The following MAP3K2 variants were observed in gnomAD, a reference collection of about 807,000 sequenced individuals.
MAP3K2 encodes mitogen-activated protein kinase kinase kinase 2.
In MAP3K2, 24 loss-of-function variants were observed where a neutral mutation model predicts 80.3. The ratio of observed to expected loss-of-function variants is 0.30; its 90% CI spans 0.22 to 0.42. MAP3K2 has a LOEUF of 0.42. Ranked by LOEUF, MAP3K2 falls within the 10% of genes least tolerant of loss-of-function variation. MAP3K2 has a pLI of 1.00. For missense variants in MAP3K2, 608 were observed against 750.1 expected (o/e 0.81, Z 2.21); for synonymous variants, 244 against 253.7 (o/e 0.96, Z 0.36).
In MAP3K2 at chr2:127,375,218, C is replaced by G. The variant is rs542801376; in HGVS notation, c.-66+12234G>C. 1.3e-5 allele frequency among the ~76,000 whole-genome samples: 2 copies of G among 151,974 alleles called. 1 individual carries two copies. Among genetic ancestry groups the G allele is most frequent in the Admixed American group, 1.3e-4 (2 of 15,272 alleles). ...TACCATGGTGTGGCTAGGACCCAAC[C>G]CAGTACCAGAAATAAAGAAAATAAC... is the stretch of plus-strand genomic sequence containing the variant. On this transcript the variant is annotated intron_variant, in intron 1 of 16. Coordinates refer to ENST00000682094, the MANE Select transcript of MAP3K2 (RefSeq NM_001371910.2).
chr2:127,337,842 T>C, intron 3 of MAP3K2, 64 bp from the exon 4 acceptor site: 1 of 913,804 alleles, frequency 1.1e-6, no homozygotes, highest in East Asian at 2.9e-5. Context: ...TTAGATAAAA[T>C]TTCTACAATT....
chr2:127,337,639 T>C, intron 4 of MAP3K2, 99 bp downstream of exon 4: 1 of 717,270 alleles, frequency 1.4e-6, no homozygotes, highest in Non-Finnish European at 2.3e-6. Flanking sequence ...TTGTAAACCA[T>C]GAAACTTCAT....
In MAP3K2 at chr2:127,361,038, G is replaced by A. The variant is rs533080769; in HGVS notation, c.-65-17844C>T. On this transcript the variant is annotated intron_variant, in intron 1 of 16. Transcript: ENST00000682094. The stretch of plus-strand genomic sequence containing the variant: ...CATATAAAATTCAAATTTAGGCAGG[G>A]CGCGGTGGCTCAAGCCCGTAATCCC... Among the ~76,000 whole-genome samples, 625 of 152,128 alleles carry A rather than the reference G, an allele frequency of 4.1e-3. 5 individuals are homozygous for A. The highest frequency in any genetic ancestry group is 0.014 in the African/African-American group (583 of 41,484).
At chr2:127,332,316 C>A (rs1285520739) in intron 5 of MAP3K2, among the ~76,000 whole-genome samples, 2 of 152,216 alleles carry the variant, frequency 1.3e-5, no homozygotes, top group African/African-American at 4.8e-5. Context: ...AATCTGAATA[C>A]TTACTTTTAT....
chr2:127,326,887 T>C (rs1686151674), intron 7 of MAP3K2, 70 bp from the exon 8 acceptor site: 8 of 915,942 alleles, frequency 8.7e-6, no homozygotes, highest in East Asian at 2.8e-5. Flanking sequence ...AAATAGGCTA[T>C]ATTTCTGAAT....
intron 1 of MAP3K2, among the ~76,000 whole-genome samples, chr2:127,365,165 A>ATAATGGCT (rs1046864239): frequency 1.5e-5 from 2 of 136,326 alleles, no homozygotes; most frequent in African/African-American, 2.7e-5. Flanking sequence ...GCTACTATTT[A>ATAATGGCT]TAATGGCTTG....
At chr2:127,371,240 G>A (rs192537233) in intron 1 of MAP3K2, among the ~76,000 whole-genome samples, 147 of 152,252 alleles carry the variant, frequency 9.7e-4, no homozygotes, top group African/African-American at 3.4e-3. Context: ...GGCAGAATAC[G>A]ATGAGTTGTG....
chr2:127,350,111 T>C (rs1481401963), intron 1 of MAP3K2, among the ~76,000 whole-genome samples: 28 of 152,068 alleles, frequency 1.8e-4, no homozygotes, highest in Admixed American at 1.8e-3. Flanking sequence ...AGAATATGAC[T>C]GAGATACAGC....
chr2:127,335,384 G>A (rs997790182), intron 5 of MAP3K2, among the ~76,000 whole-genome samples: 6 of 152,188 alleles, frequency 3.9e-5, no homozygotes, highest in African/African-American at 1.4e-4. Flanking sequence ...CATTAAAAAG[G>A]GGTTTCTCCA....
intron 2 of MAP3K2, among the ~76,000 whole-genome samples, chr2:127,342,468 A>G (rs1271261241): frequency 6.6e-6 from 1 of 151,310 alleles, no homozygotes; most frequent in Non-Finnish European, 1.5e-5. Context: ...ATAAAGGCAA[A>G]CTCTGGCAAG....
At chr2:127,319,650 C>CAAAAAAAAA (rs57472022) in intron 12 of MAP3K2, among the ~76,000 whole-genome samples, 966 of 71,864 alleles carry the variant, frequency 0.013, 6 homozygotes, top group Non-Finnish European at 0.015. Flanking sequence ...ACTAAAAATA[C>CAAAAAAAAA]AAAAAAAAAA....
intron 1 of MAP3K2, among the ~76,000 whole-genome samples, chr2:127,360,731 A>G (rs1287843408): frequency 2.6e-5 from 4 of 152,344 alleles, no homozygotes; most frequent in East Asian, 1.9e-4. Context: ...TTTAAAAAAT[A>G]TATTACTTAA....
rs1050799748 is a variant in MAP3K2 at position 127,339,639 on chromosome 2, T to C, written c.5-589A>G. Reference sequence around the variant, plus strand: ...ATTTAAAGATCTTGGCCAGCAACAATGTAAGAAAATTCCTTTCCTTAGAAA... The same window carrying C: ...ATTTAAAGATCTTGGCCAGCAACAACGTAAGAAAATTCCTTTCCTTAGAAA... On this transcript the variant is annotated intron_variant, in intron 2 of 16. Coordinates refer to ENST00000682094, the MANE Select transcript of MAP3K2 (RefSeq NM_001371910.2). This position sits in a 1 kb window ranked among gnomAD's most constrained non-coding sequence, Gnocchi z 4.2. Among the ~76,000 whole-genome samples the C allele has an allele frequency of 5.3e-5, 8 of 152,174 alleles. No homozygotes were observed. The highest frequency in any genetic ancestry group is 1.9e-4 in the African/African-American group (8 of 41,432).
intron 1 of MAP3K2, among the ~76,000 whole-genome samples, chr2:127,351,892 T>G (rs567187705): frequency 6.6e-6 from 1 of 152,104 alleles, no homozygotes; most frequent in Admixed American, 6.5e-5. Context: ...TTTTTTCTTT[T>G]TTGAGACAGG....
intron 9 of MAP3K2, among the ~76,000 whole-genome samples, chr2:127,324,525 TTAACTATG>T (rs1477610778): frequency 1.3e-5 from 2 of 152,240 alleles, no homozygotes; most frequent in Non-Finnish European, 2.9e-5. Context: ...GCTCTGCCAC[TTAACTATG>T]TAACCTTGGC....
At chr2:127,342,599 T>C (rs1378625846) in intron 2 of MAP3K2, among the ~76,000 whole-genome samples, 2 of 152,140 alleles carry the variant, frequency 1.3e-5, no homozygotes, top group East Asian at 1.9e-4. Context: ...TTCCTTCTAG[T>C]GTCTTCCTGT....
upstream of MAP3K2, chr2:127,388,040 GT>G (rs1687409427): frequency 1.0e-6 from 1 of 983,606 alleles, no homozygotes; most frequent in African/African-American, 1.8e-5. Flanking sequence ...CCGCCCGGCG[GT>G]AGCGGAACCC....
intron 1 of MAP3K2, among the ~76,000 whole-genome samples, chr2:127,372,925 T>TGGGGCCCC (rs1358690806): frequency 2.6e-5 from 4 of 152,320 alleles, no homozygotes; most frequent in Non-Finnish European, 4.4e-5. Flanking sequence ...TCAATGCTAA[T>TGGGGCCCC]TTGCAACCTA....
At position 127,384,234 on chromosome 2, in the gene MAP3K2, ATT is replaced by A. The variant is rs1446304204; in HGVS notation, c.-66+3216_-66+3217del. Among the ~76,000 whole-genome samples the A allele has an allele frequency of 1.3e-3, 192 of 145,934 alleles. 1 individual carries two copies. The highest frequency in any genetic ancestry group is 2.2e-3 in the Non-Finnish European group (145 of 65,960). On this transcript the variant is annotated intron_variant, in intron 1 of 16. Coordinates refer to ENST00000682094, the MANE Select transcript of MAP3K2 (RefSeq NM_001371910.2). ...AATTGATATATATATATATATATAT[ATT>A]GCTTTTTTAGAATGTCATTGCACAC... is the stretch of plus-strand genomic sequence containing the variant.
Sources: allele counts gnomAD v4.1 joint callset (sites outside exome capture counted in the v4.1 genomes callset), GRCh38; gene constraint gnomAD v4.1.1; non-coding constraint Gnocchi (gnomAD v3.1); transcripts MANE v1.5; gene names NCBI Gene and HGNC (gene_info 2026-07-23, HGNC 2026-07-21).